Variants in MAGI2 observed in about 807,000 individuals in gnomAD.
MAGI2 encodes the protein membrane associated guanylate kinase, WW and PDZ domain containing 2.
Under a neutral mutation model 133.3 loss-of-function variants are expected in MAGI2, and 35 were observed. That is an observed-to-expected ratio of 0.26 (90% CI 0.20 to 0.35). The LOEUF (loss-of-function observed/expected upper bound fraction) is 0.35, where lower values mean the gene tolerates loss of function less well. Among genes scored for constraint, MAGI2 ranks in the 10% least tolerant of loss-of-function variants. The pLI is 1.00. For synonymous variants in MAGI2, 729 were observed against 710.6 expected (o/e 1.03, Z -0.41); for missense variants, 1,636 against 1,863.4 (o/e 0.88, Z 2.25).
chr7:78,681,706 C>T (rs900657699), intron 2 of MAGI2, among the ~76,000 whole-genome samples: 2 of 151,930 alleles, frequency 1.3e-5, no homozygotes, highest in African/African-American at 4.8e-5. Context: ...ATGTGATAAG[C>T]GAAGTCACAA....
intron 3 of MAGI2, among the ~76,000 whole-genome samples, chr7:78,560,786 T>C (rs1401873237): frequency 6.6e-6 from 1 of 152,326 alleles, no homozygotes; most frequent in East Asian, 1.9e-4. Context: ...CCTGCTCTTA[T>C]AAAGCTGGAT....
chr7:78,993,080 C>T (rs2116354952), intron 2 of MAGI2, among the ~76,000 whole-genome samples: 1 of 152,062 alleles, frequency 6.6e-6, no homozygotes, highest in South Asian at 2.1e-4. Context: ...TGAACAAAAA[C>T]TCATGTACTT....
At chr7:78,573,451 G>A (rs763398934) in intron 3 of MAGI2, among the ~76,000 whole-genome samples, 10 of 114,868 alleles carry the variant, frequency 8.7e-5, no homozygotes, top group Non-Finnish European at 1.7e-4. Context: ...TGGGTCATAT[G>A]GCCCAAGTGG....
At chr7:79,118,758 G>A (rs1035857550) in intron 1 of MAGI2, among the ~76,000 whole-genome samples, 3 of 151,958 alleles carry the variant, frequency 2.0e-5, no homozygotes, top group African/African-American at 7.2e-5. Context: ...TATCCCTCAT[G>A]ACCTCCTCCC....
At chr7:78,908,354 C>T (rs1217700833) in intron 2 of MAGI2, among the ~76,000 whole-genome samples, 1 of 152,192 alleles carries the variant, frequency 6.6e-6, no homozygotes, top group Admixed American at 6.6e-5. Context: ...ATGGAATTGT[C>T]TCTTTTGTTG....
chr7:79,023,518 T>A (rs2116716849), intron 1 of MAGI2, among the ~76,000 whole-genome samples: 1 of 152,140 alleles, frequency 6.6e-6, no homozygotes, highest in African/African-American at 2.4e-5. Flanking sequence ...TAAAAGACAT[T>A]CAAATAGAAA....
intron 9 of MAGI2, among the ~76,000 whole-genome samples, chr7:78,319,440 G>C (rs1787769792): frequency 1.3e-5 from 2 of 152,192 alleles, no homozygotes; most frequent in Admixed American, 1.3e-4. Context: ...TCACACCACA[G>C]TGCAATCAAA....
At chr7:78,388,609 G>A (rs941946998) in intron 6 of MAGI2, among the ~76,000 whole-genome samples, 2 of 152,120 alleles carry the variant, frequency 1.3e-5, no homozygotes, top group African/African-American at 4.8e-5. Context: ...TTAGCTAATT[G>A]TTAAATTGAC....
intron 1 of MAGI2, among the ~76,000 whole-genome samples, chr7:79,015,004 G>T (rs1808545314): frequency 6.6e-6 from 1 of 152,102 alleles, no homozygotes. Flanking sequence ...TCATACTTTG[G>T]TATGCTTGAA....
rs575427750 is a variant in MAGI2 at position 78,168,528 on chromosome 7, A to G, written c.2404-420T>C. ...GAAAATTCTAATCCCAAATAATCTG[A>G]TGCTAATTGGCTGAAACAAGGTGAG... On this transcript the variant is annotated intron_variant, in intron 14 of 21. Transcript: ENST00000354212. Among the ~76,000 whole-genome samples the G allele has an allele frequency of 3.7e-4, 57 of 152,302 alleles. 1 individual carries two copies. Among genetic ancestry groups the G allele is most frequent in the Middle Eastern group, 3.4e-3 (1 of 294 alleles).
chr7:79,280,194 G>A (rs1261423015), intron 1 of MAGI2, among the ~76,000 whole-genome samples: 1 of 152,148 alleles, frequency 6.6e-6, no homozygotes. Context: ...CATTTAACAT[G>A]ACCTAACAGA....
chr7:79,257,376 C>T (rs1423636864), intron 1 of MAGI2, among the ~76,000 whole-genome samples: 1 of 149,364 alleles, frequency 6.7e-6, no homozygotes, highest in East Asian at 2.0e-4. Flanking sequence ...GTGACAAAAG[C>T]AAAAAAAAAT....
intron 1 of MAGI2, among the ~76,000 whole-genome samples, chr7:79,285,270 C>T (rs1402708947): frequency 7.1e-6 from 1 of 141,644 alleles, no homozygotes. Flanking sequence ...CATAAACTAA[C>T]ACTGTCTGAT....
At chr7:79,291,416 T>A (rs961016859) in intron 1 of MAGI2, among the ~76,000 whole-genome samples, 6 of 152,188 alleles carry the variant, frequency 3.9e-5, no homozygotes, top group African/African-American at 1.4e-4. Flanking sequence ...TTTCAATTTC[T>A]TTTGTTATAT....
chr7:78,192,512 CA>C (rs994744970), intron 12 of MAGI2, among the ~76,000 whole-genome samples: 1 of 140,090 alleles, frequency 7.1e-6, no homozygotes, highest in Admixed American at 7.7e-5. Context: ...TACAGGAGGG[CA>C]AAAGGCTGTC....
At position 79,014,242 on chromosome 7, in the gene MAGI2, G is replaced by A. The variant is rs73703750; in HGVS notation, c.302-7036C>T. 4.5e-3 allele frequency among the ~76,000 whole-genome samples: 686 copies of A among 151,976 alleles called. 7 individuals are homozygous for A. Among genetic ancestry groups the A allele is most frequent in the African/African-American group, 0.016 (649 of 41,474 alleles). The stretch of plus-strand genomic sequence containing the variant: ...ATTGTACAGATGGGATATTATTATT[G>A]AGTTTCATTTTTCATTGTTAGCCTT... On this transcript the variant is annotated intron_variant, in intron 1 of 21. Coordinates refer to ENST00000354212, the MANE Select transcript of MAGI2 (RefSeq NM_012301.4).
intron 2 of MAGI2, among the ~76,000 whole-genome samples, chr7:78,798,293 C>A (rs928942348): frequency 7.2e-5 from 11 of 152,052 alleles, no homozygotes; most frequent in Non-Finnish European, 1.5e-4. Flanking sequence ...TTGTATCAAG[C>A]CTGCATTACA....
chr7:79,008,501 A>T (rs981843021), intron 1 of MAGI2, among the ~76,000 whole-genome samples: 3 of 152,180 alleles, frequency 2.0e-5, no homozygotes, highest in African/African-American at 7.2e-5. Context: ...AACTGTCAAA[A>T]TTCTTACCCT....
chr7:78,811,513 G>GA (rs139054135), intron 2 of MAGI2, among the ~76,000 whole-genome samples: 3,719 of 151,982 alleles, frequency 0.024, 145 homozygotes, highest in African/African-American at 0.084. Context: ...TAGAATTTGG[G>GA]AAAAAATCAT....
Sources: gnomAD v4.1 joint callset for allele counts (sites outside exome capture counted in the v4.1 genomes callset) on GRCh38, gnomAD v4.1.1 for gene constraint, MANE v1.5 for transcripts, NCBI Gene and HGNC (gene_info 2026-07-23, HGNC 2026-07-21) for gene names.